Variants in DCBLD2 observed in about 807,000 individuals in gnomAD.
DCBLD2 encodes the protein discoidin, CUB and LCCL domain containing 2.
DCBLD2 carries 54 observed loss-of-function variants against 86.8 expected under a neutral mutation model. The observed-to-expected ratio is 0.62, with a 90% confidence interval of 0.50 to 0.78. DCBLD2 has a LOEUF of 0.78. DCBLD2 is among the 30% of genes least tolerant of loss of function. The probability of loss-of-function intolerance (pLI) is 0.00; values close to 1 mark genes in which losing one functional copy is unlikely to be tolerated. For missense variants in DCBLD2, 908 were observed against 954.2 expected (o/e 0.95, Z 0.64); for synonymous variants, 354 against 341.3 (o/e 1.04, Z -0.41).
chr3:98,850,871 C>T (rs148379186), intron 2 of DCBLD2, among the ~76,000 whole-genome samples: 265 of 152,236 alleles, frequency 1.7e-3, no homozygotes, highest in Admixed American at 6.5e-3. Context: ...TTTAAAACTC[C>T]ATCCATAATA....
intron 14 of DCBLD2, among the ~76,000 whole-genome samples, chr3:98,801,074 C>G (rs191644055): frequency 6.6e-5 from 10 of 152,324 alleles, no homozygotes; most frequent in African/African-American, 9.6e-5. Context: ...GCAGTGAACT[C>G]TCCTGGCTCC....
chr3:98,900,423 TAATA>T (rs753937433), intron 1 of DCBLD2, among the ~76,000 whole-genome samples: 20 of 152,326 alleles, frequency 1.3e-4, no homozygotes, highest in East Asian at 5.8e-4. Context: ...GATAAGTATT[TAATA>T]AACAGTTTTG....
At chr3:98,811,151 A>G (rs999877048) in intron 12 of DCBLD2, 43 bp downstream of exon 12, 1 of 1,532,078 alleles carries the variant, frequency 6.5e-7, no homozygotes, top group African/African-American at 1.4e-5. Context: ...GTTAAGAACA[A>G]AACAATACTA....
In DCBLD2 at chr3:98,881,598, A is replaced by C; in HGVS notation, c.375T>G (p.Ser125=). 1 of 1,613,980 alleles carries C rather than the reference A, an allele frequency of 6.2e-7. No homozygotes were observed. Among genetic ancestry groups the C allele is most frequent in the South Asian group, 1.1e-5 (1 of 91,080 alleles). The change falls in exon 2 of 16, where the codon TCT becomes TCG. Residue 125 remains serine (S), a synonymous_variant. Transcript: ENST00000326840. ...AAATTCTCAAGTAATTAAAGTGACAAGAATCAGAATCTTCAATGTCAAAGT... is the reference window on the plus strand; with the variant it reads ...AAATTCTCAAGTAATTAAAGTGACACGAATCAGAATCTTCAATGTCAAAGT... ...FGDFDIEDSD[S]CHFNYLRIYN...
intron 3 of DCBLD2, 72 bp downstream of exon 3, chr3:98,849,389 T>C (rs1349012944): frequency 6.3e-7 from 1 of 1,594,976 alleles, no homozygotes; most frequent in Admixed American, 1.7e-5. Context: ...AAACAGGTAC[T>C]TAAAAAAAGC....
chr3:98,898,818 C>G (rs1042650748), intron 1 of DCBLD2, among the ~76,000 whole-genome samples: 1 of 152,080 alleles, frequency 6.6e-6, no homozygotes, highest in Non-Finnish European at 1.5e-5. Flanking sequence ...TGAGAAAATT[C>G]AAATCTCAAA....
intron 1 of DCBLD2, among the ~76,000 whole-genome samples, chr3:98,898,588 T>C (rs1943790882): frequency 6.6e-6 from 1 of 152,082 alleles, no homozygotes; most frequent in African/African-American, 2.4e-5. Context: ...TCTTAAGACT[T>C]CTTATAGAGT....
chr3:98,829,739 A>G (rs1349555645), intron 3 of DCBLD2, among the ~76,000 whole-genome samples: 2 of 152,074 alleles, frequency 1.3e-5, no homozygotes, highest in African/African-American at 4.8e-5. Context: ...ATATGAGTGC[A>G]ATTTATATTC....
At chr3:98,823,932 G>C (rs938228284) in intron 4 of DCBLD2, among the ~76,000 whole-genome samples, 1 of 152,116 alleles carries the variant, frequency 6.6e-6, no homozygotes, top group African/African-American at 2.4e-5. Context: ...GGGCTCTTAG[G>C]AAGTGAAGCC....
intron 9 of DCBLD2, among the ~76,000 whole-genome samples, chr3:98,817,503 A>C (rs556875332): frequency 5.3e-4 from 80 of 152,334 alleles, no homozygotes; most frequent in Non-Finnish European, 1.0e-3. Flanking sequence ...AGACTTTCTT[A>C]ATAAAGTGTC....
intron 1 of DCBLD2, among the ~76,000 whole-genome samples, chr3:98,884,833 T>G (rs571403463): frequency 2.6e-5 from 4 of 152,166 alleles, no homozygotes; most frequent in African/African-American, 4.8e-5. Context: ...ATCTACGACT[T>G]TGTAGTGGCA....
rs577465897 is a variant in DCBLD2, at chr3:98,815,508, A to G, written c.1212+2261T>C. On this transcript the variant is annotated intron_variant, in intron 9 of 15. Transcript: ENST00000326840. ...TAATAACAAAAAACCCCAGCACCAA[A>G]CAATGTAACACAATGTCTGGCATCC... The G allele has an allele frequency of 2.0e-5, 3 of 152,342 alleles. No individual in the cohort carries two copies. The East Asian group carries it at 5.8e-4, about 29-fold the overall frequency. The allele number at this position is 152,342 out of a possible 1,614,324, so 9.4% of individuals were successfully genotyped here.
rs573857327 is a variant in DCBLD2 at position 98,832,450 on chromosome 3, T to G, written c.572-7084A>C. Among the ~76,000 whole-genome samples the G allele has an allele frequency of 5.3e-5, 8 of 152,358 alleles. No homozygotes were observed. In the South Asian group the frequency reaches 1.4e-3, roughly 28 times the overall value. ...GGCTATTTACATTCAAGGGTAGTATTGATATGTGTGCATATGATCCTGTCA... is the reference window on the plus strand; with the variant it reads ...GGCTATTTACATTCAAGGGTAGTATGGATATGTGTGCATATGATCCTGTCA... On this transcript the variant is annotated intron_variant, in intron 3 of 15. Coordinates refer to ENST00000326840, the MANE Select transcript of DCBLD2 (RefSeq NM_080927.4).
intron 2 of DCBLD2, among the ~76,000 whole-genome samples, chr3:98,851,746 G>A (rs1166012775): frequency 6.6e-6 from 1 of 152,202 alleles, no homozygotes; most frequent in Non-Finnish European, 1.5e-5. Context: ...TAGACCAATG[G>A]AACAGAACAG....
At position 98,828,630 on chromosome 3, in the gene DCBLD2, T is replaced by C. The variant is rs562638095; in HGVS notation, c.572-3264A>G. Among the ~76,000 whole-genome samples the C allele has an allele frequency of 1.2e-4, 19 of 152,332 alleles. No homozygotes were observed. In the South Asian group the frequency reaches 3.7e-3, roughly 30 times the overall value. ...AAATTGTAAAATGGTGCAACTGTTT[T>C]GGAAAATGGTTTGGCAGTTCCTTAA... is the stretch of plus-strand genomic sequence containing the variant. On this transcript the variant is annotated intron_variant, in intron 3 of 15. Transcript: ENST00000326840.
intron 2 of DCBLD2, among the ~76,000 whole-genome samples, chr3:98,872,680 TAAGAC>T (rs2107514049): frequency 6.6e-6 from 1 of 152,050 alleles, no homozygotes; most frequent in South Asian, 2.1e-4. Flanking sequence ...AGTAAATGAT[TAAGAC>T]AATAGGGACC....
intron 2 of DCBLD2, among the ~76,000 whole-genome samples, chr3:98,861,744 T>C (rs1171968130): frequency 6.6e-6 from 1 of 152,036 alleles, no homozygotes; most frequent in East Asian, 1.9e-4. Flanking sequence ...GAGGGAAATT[T>C]AAGCACTAAA....
Position 98,800,667 on chromosome 3 carries a change from A to G in DCBLD2, c.1770T>C (p.His590=). The G allele has an allele frequency of 6.2e-7, 1 of 1,613,942 alleles. No individual in the cohort carries two copies. ...KQFLPAKAVD[H]EETPVRYSSS... ...TGCTATAGCGAACTGGGGTTTCCTCATGGTCCACTGCTTTTGCAGGAAGAA... is the reference window on the plus strand; with the variant it reads ...TGCTATAGCGAACTGGGGTTTCCTCGTGGTCCACTGCTTTTGCAGGAAGAA... Residue 590 remains histidine (H), a synonymous_variant, in exon 15 of 16, where the codon CAT becomes CAC. Coordinates refer to ENST00000326840, the MANE Select transcript of DCBLD2 (RefSeq NM_080927.4).
chr3:98,849,388 C>G, intron 3 of DCBLD2, 73 bp downstream of exon 3: 1 of 1,591,072 alleles, frequency 6.3e-7, no homozygotes, highest in Non-Finnish European at 8.6e-7. Context: ...AAAACAGGTA[C>G]TTAAAAAAAG....
Sources: gnomAD v4.1 joint callset for allele counts (sites outside exome capture counted in the v4.1 genomes callset) on GRCh38, gnomAD v4.1.1 for gene constraint, MANE v1.5 for transcripts, NCBI Gene and HGNC (gene_info 2026-07-23, HGNC 2026-07-21) for gene names.